The following MLLT3 variants were observed in gnomAD, a reference collection of about 807,000 sequenced individuals.
MLLT3 encodes MLLT3 super elongation complex subunit.
A neutral mutation model predicts 53.2 loss-of-function variants in MLLT3; 4 were observed. The ratio of observed to expected loss-of-function variants is 0.08; its 90% confidence interval spans 0.04 to 0.17. MLLT3 has a LOEUF of 0.17. MLLT3 is among the 10% of genes least tolerant of loss of function. MLLT3 has a pLI of 1.00. For synonymous variants in MLLT3, 283 were observed against 230.6 expected (o/e 1.23, Z -2.06); for missense variants, 569 against 684.0 (o/e 0.83, Z 1.87).
At chr9:20,538,805 A>C (rs975674439) in intron 2 of MLLT3, among the ~76,000 whole-genome samples, 6 of 152,260 alleles carry the variant, frequency 3.9e-5, no homozygotes, top group African/African-American at 1.4e-4. Context: ...TTGTGGATTC[A>C]GTTCCAGATC....
Position 20,354,789 on chromosome 9 carries a change from T to A in MLLT3, c.1503+19A>T. The A allele has an allele frequency of 6.4e-7, 1 of 1,557,930 alleles. No individual in the cohort carries two copies. Among genetic ancestry groups the A allele is most frequent in the Non-Finnish European group, 8.8e-7 (1 of 1,130,554 alleles). Reference sequence around the variant, plus strand: ...CTTGTCAGTGTTGGAGCCCTCCTAGTAACAGACTAGAAACCTACCTTGTCA... The same window carrying A: ...CTTGTCAGTGTTGGAGCCCTCCTAGAAACAGACTAGAAACCTACCTTGTCA... On this transcript the variant is annotated intron_variant, in intron 9 of 10. Coordinates refer to ENST00000380338, the MANE Select transcript of MLLT3 (RefSeq NM_004529.4).
chr9:20,540,296 ATTCTGTGTAG>A (rs1818596248), intron 2 of MLLT3, among the ~76,000 whole-genome samples: 1 of 152,096 alleles, frequency 6.6e-6, no homozygotes, highest in African/African-American at 2.4e-5. Flanking sequence ...CCCAGTGGGG[ATTCTGTGTAG>A]GGGCTCCAAC....
At chr9:20,540,117 G>A (rs1195731920) in intron 2 of MLLT3, among the ~76,000 whole-genome samples, 1 of 152,216 alleles carries the variant, frequency 6.6e-6, no homozygotes, top group Non-Finnish European at 1.5e-5. Flanking sequence ...TGATGCAAGG[G>A]CTGGGCTCCC....
intron 2 of MLLT3, among the ~76,000 whole-genome samples, chr9:20,462,556 T>A (rs867789340): frequency 6.6e-6 from 1 of 152,140 alleles, no homozygotes; most frequent in Non-Finnish European, 1.5e-5. Context: ...GTCCACCTCC[T>A]CTGGACTCAC....
intron 5 of MLLT3, among the ~76,000 whole-genome samples, chr9:20,406,108 C>T (rs1458779741): frequency 1.3e-5 from 2 of 151,610 alleles, no homozygotes; most frequent in Non-Finnish European, 2.9e-5. Context: ...TGAGACTCCA[C>T]CTAAAACAAA....
chr9:20,412,007 T>C (rs992504189), intron 5 of MLLT3: 5 of 152,226 alleles, frequency 3.3e-5, no homozygotes, highest in African/African-American at 9.6e-5. Flanking sequence ...ATACTAATTA[T>C]AGTTTTCTGA....
chr9:20,419,887 G>T (rs1417038538), intron 4 of MLLT3, among the ~76,000 whole-genome samples: 1 of 152,026 alleles, frequency 6.6e-6, no homozygotes, highest in Non-Finnish European at 1.5e-5. Flanking sequence ...ACAATATACA[G>T]ATTTAAATCT....
intron 2 of MLLT3, among the ~76,000 whole-genome samples, chr9:20,534,091 T>C (rs1818415604): frequency 6.6e-6 from 1 of 152,142 alleles, no homozygotes; most frequent in South Asian, 2.1e-4. Context: ...TATTTTTAAG[T>C]AAATAAAAGT....
intron 2 of MLLT3, among the ~76,000 whole-genome samples, chr9:20,564,238 C>T (rs572121654): frequency 6.6e-6 from 1 of 152,102 alleles, no homozygotes; most frequent in Non-Finnish European, 1.5e-5. Context: ...ACTAACTTCA[C>T]TTAAGCCACA....
intron 2 of MLLT3, among the ~76,000 whole-genome samples, chr9:20,555,286 T>C (rs990297959): frequency 6.6e-6 from 1 of 152,208 alleles, no homozygotes; most frequent in Non-Finnish European, 1.5e-5. Flanking sequence ...CTGTAAGTAT[T>C]AGCCTCCAAC....
intron 5 of MLLT3, among the ~76,000 whole-genome samples, chr9:20,388,044 T>C (rs939763782): frequency 6.6e-6 from 1 of 152,182 alleles, no homozygotes; most frequent in Non-Finnish European, 1.5e-5. Flanking sequence ...CAATTTGATG[T>C]TTATGAAGAT....
rs550946293 is a variant in MLLT3, at chr9:20,457,526, G to C, written c.194-740C>G. Among the ~76,000 whole-genome samples the C allele has an allele frequency of 1.6e-4, 24 of 152,044 alleles. 1 individual carries two copies. The Middle Eastern group carries it at 0.017, about 108-fold the overall frequency. ...AGCCTCCCAAAGTGTAGGGATTACA[G>C]GCATGACCCACCATGCCTGGCCTAG... On this transcript the variant is annotated intron_variant, in intron 2 of 10. Transcript: ENST00000380338.
intron 5 of MLLT3, among the ~76,000 whole-genome samples, chr9:20,395,344 C>A (rs1047107617): frequency 6.6e-6 from 1 of 152,118 alleles, no homozygotes; most frequent in African/African-American, 2.4e-5. Flanking sequence ...TGGCTTCATG[C>A]CCTGGCAGAA....
chr9:20,475,733 C>T lies in MLLT3; in HGVS notation c.194-18947G>A, dbSNP rs571161195. ...AAAATCACATTTGACTTCCATTACACTGATTTACATTACCTAGCTATACCA... is the reference window on the plus strand; with the variant it reads ...AAAATCACATTTGACTTCCATTACATTGATTTACATTACCTAGCTATACCA... On this transcript the variant is annotated intron_variant, in intron 2 of 10. Transcript: ENST00000380338. Among the ~76,000 whole-genome samples the T allele has an allele frequency of 2.6e-4, 39 of 152,176 alleles. No homozygotes were observed. The South Asian group carries it at 6.6e-3, about 26-fold the overall frequency.
chr9:20,385,000 A>G (rs1467200015), intron 5 of MLLT3, among the ~76,000 whole-genome samples: 1 of 152,144 alleles, frequency 6.6e-6, no homozygotes, highest in Non-Finnish European at 1.5e-5. Flanking sequence ...TAATCAACTA[A>G]AAATTCTTGC....
intron 8 of MLLT3, among the ~76,000 whole-genome samples, chr9:20,356,793 C>T (rs1821181659): frequency 1.3e-5 from 2 of 152,172 alleles, no homozygotes; most frequent in African/African-American, 2.4e-5. Flanking sequence ...TGAAGTCCCA[C>T]CCCACACATT....
chr9:20,496,318 T>C (rs1324249786), intron 2 of MLLT3, among the ~76,000 whole-genome samples: 2 of 152,208 alleles, frequency 1.3e-5, no homozygotes, highest in Admixed American at 1.3e-4. Context: ...AAGGTGTTTA[T>C]GTTGCTATAA....
At position 20,542,925 on chromosome 9, in the gene MLLT3, A is replaced by G. The variant is rs186025841; in HGVS notation, c.193+77729T>C. Reference sequence around the variant, plus strand: ...AACTTGCTGCAGCTTCTACGTCAGCACTTGCTGCTTCACCTTGCACTTTCA... The same window carrying G: ...AACTTGCTGCAGCTTCTACGTCAGCGCTTGCTGCTTCACCTTGCACTTTCA... On this transcript the variant is annotated intron_variant, in intron 2 of 10. Coordinates refer to ENST00000380338, the MANE Select transcript of MLLT3 (RefSeq NM_004529.4). 7.0e-3 allele frequency among the ~76,000 whole-genome samples: 1,059 copies of G among 152,362 alleles called. 10 individuals are homozygous for G. The highest frequency in any genetic ancestry group is 9.9e-3 in the Non-Finnish European group (674 of 68,040).
intron 2 of MLLT3, among the ~76,000 whole-genome samples, chr9:20,611,681 C>A (rs1365162718): frequency 1.3e-5 from 2 of 151,882 alleles, no homozygotes; most frequent in Non-Finnish European, 2.9e-5. Flanking sequence ...TGATTTTATC[C>A]AAAAAGTTAA....
Sources: allele counts gnomAD v4.1 joint callset (sites outside exome capture counted in the v4.1 genomes callset), GRCh38; gene constraint gnomAD v4.1.1; transcripts MANE v1.5; gene names NCBI Gene and HGNC (gene_info 2026-07-23, HGNC 2026-07-21).